SLC12A8: variants seen among roughly 807,000 people sequenced by gnomAD.
SLC12A8 encodes the protein solute carrier family 12 member 8, also known as cation-chloride cotransporter 9.
A neutral mutation model predicts 75.6 loss-of-function variants in SLC12A8; 69 were observed. The observed-to-expected ratio is 0.91, with a 90% CI of 0.75 to 1.11. The LOEUF is 1.11. Ranked by LOEUF, SLC12A8 falls within the 50% of genes most tolerant of loss-of-function variation. SLC12A8 has a pLI of 0.00. For missense variants in SLC12A8, 877 were observed against 896.7 expected (o/e 0.98, Z 0.28); for synonymous variants, 365 against 372.8 (o/e 0.98, Z 0.24).
At chr3:125,110,144 C>A (rs1939150059) in intron 9 of SLC12A8, 45 bp downstream of exon 9, 3 of 1,589,014 alleles carry the variant, frequency 1.9e-6, no homozygotes, top group East Asian at 4.5e-5. Flanking sequence ...AGGTTAGCAG[C>A]AAAACATGTT....
intron 5 of SLC12A8, among the ~76,000 whole-genome samples, chr3:125,167,077 C>T (rs755844215): frequency 2.6e-5 from 4 of 152,052 alleles, no homozygotes; most frequent in South Asian, 2.1e-4. Context: ...CCATTAAATT[C>T]GGGTGGTGGA....
chr3:125,126,700 A>T (rs1278191309), intron 6 of SLC12A8, among the ~76,000 whole-genome samples: 1 of 152,238 alleles, frequency 6.6e-6, no homozygotes, highest in Non-Finnish European at 1.5e-5. Context: ...CTCTTTCTCA[A>T]GGAACTTCCA....
intron 8 of SLC12A8, 84 bp downstream of exon 8, chr3:125,118,685 A>G: frequency 1.1e-6 from 1 of 916,856 alleles, no homozygotes. Flanking sequence ...ACAGTACTGC[A>G]AGGGGAAGGT....
intron 1 of SLC12A8, among the ~76,000 whole-genome samples, chr3:125,212,194 C>T (rs1217861000): frequency 6.6e-6 from 1 of 151,942 alleles, no homozygotes; most frequent in Admixed American, 6.5e-5. Flanking sequence ...AGGGAAGGCG[C>T]CCGGAGCACT....
At chr3:125,100,929 C>T (rs1256286862) in intron 10 of SLC12A8, among the ~76,000 whole-genome samples, 1 of 141,196 alleles carries the variant, frequency 7.1e-6, no homozygotes, top group African/African-American at 2.6e-5. Context: ...AGGAGAATGG[C>T]GTGAACCCGG....
chr3:125,179,805 A>T (rs1211936004), intron 4 of SLC12A8, among the ~76,000 whole-genome samples: 1 of 152,142 alleles, frequency 6.6e-6, no homozygotes, highest in Admixed American at 6.5e-5. Context: ...ACTAAACACC[A>T]AGAGTGTGAT....
chr3:125,182,208 T>C (rs1197219792), intron 4 of SLC12A8, among the ~76,000 whole-genome samples: 1 of 152,044 alleles, frequency 6.6e-6, no homozygotes, highest in Non-Finnish European at 1.5e-5. Flanking sequence ...ACGCCTGTAG[T>C]CTCACCTACT....
intron 2 of SLC12A8, among the ~76,000 whole-genome samples, chr3:125,204,353 A>G (rs1935185883): frequency 6.6e-6 from 1 of 152,226 alleles, no homozygotes; most frequent in East Asian, 1.9e-4. Flanking sequence ...AGATGAATGA[A>G]TAAAGAAAAT....
chr3:125,149,199 G>A (rs1000882461), intron 5 of SLC12A8, among the ~76,000 whole-genome samples: 1 of 152,218 alleles, frequency 6.6e-6, no homozygotes, highest in Non-Finnish European at 1.5e-5. Flanking sequence ...AGACTCGGGG[G>A]TCGAAGCTGG....
At chr3:125,153,911 C>A (rs1933990555) in intron 5 of SLC12A8, among the ~76,000 whole-genome samples, 2 of 152,172 alleles carry the variant, frequency 1.3e-5, no homozygotes, top group Admixed American at 1.3e-4. Flanking sequence ...CCACACCCAG[C>A]TAATTTTTGT....
chr3:125,088,440 T>C (rs185921232), intron 12 of SLC12A8, 70 bp from the exon 13 acceptor site: 423 of 1,371,192 alleles, frequency 3.1e-4, no homozygotes, highest in Non-Finnish European at 3.9e-4. Context: ...TCAGTTTTAA[T>C]AGGGTGAATG....
intron 2 of SLC12A8, among the ~76,000 whole-genome samples, chr3:125,208,747 T>TACACACACACAC (rs61130966): frequency 1.1e-5 from 1 of 87,432 alleles, no homozygotes; most frequent in African/African-American, 4.2e-5. Flanking sequence ...CTGACCAATC[T>TACACACACACAC]ACACACACAC....
At position 125,120,582 on chromosome 3, in the gene SLC12A8, C is replaced by A. The variant is rs1387990704; in HGVS notation, c.824+17G>T. On this transcript the variant is annotated intron_variant, in intron 7 of 13. Transcript: ENST00000469902. ...CCCACTCTCTAGCTCAGACTGATTG[C>A]CATGAGGGGAACTTACGAGATGCCA... 1 of 1,592,644 alleles carries A rather than the reference C, an allele frequency of 6.3e-7. No homozygotes were observed. Among genetic ancestry groups the A allele is most frequent in the Non-Finnish European group, 8.6e-7 (1 of 1,161,508 alleles).
chr3:125,123,118 T>C (rs935865973), intron 6 of SLC12A8, among the ~76,000 whole-genome samples: 3 of 151,956 alleles, frequency 2.0e-5, no homozygotes, highest in Non-Finnish European at 4.4e-5. Flanking sequence ...CTCACACCTT[T>C]AATCCCAGCA....
intron 5 of SLC12A8, among the ~76,000 whole-genome samples, chr3:125,176,014 T>C (rs1365038003): frequency 2.0e-5 from 3 of 152,074 alleles, no homozygotes; most frequent in Non-Finnish European, 4.4e-5. Flanking sequence ...TTTAACATGC[T>C]CAGAAGTAGT....
intron 4 of SLC12A8, among the ~76,000 whole-genome samples, chr3:125,184,305 T>G (rs1418096510): frequency 6.6e-6 from 1 of 152,224 alleles, no homozygotes; most frequent in Non-Finnish European, 1.5e-5. Context: ...TAAGTGTTAA[T>G]ATCTCCTCAG....
chr3:125,180,699 G>A (rs1009655619), intron 4 of SLC12A8, among the ~76,000 whole-genome samples: 4 of 152,036 alleles, frequency 2.6e-5, no homozygotes, highest in Non-Finnish European at 4.4e-5. Flanking sequence ...AATAGCTACC[G>A]TCATTATTAT....
chr3:125,200,839 A>G (rs530468595), intron 2 of SLC12A8, among the ~76,000 whole-genome samples: 2 of 152,308 alleles, frequency 1.3e-5, no homozygotes, highest in African/African-American at 2.4e-5. Flanking sequence ...GTTGAATTCT[A>G]TGAACACGGA....
Position 125,116,339 on chromosome 3 carries a change from T to A in SLC12A8, c.912+2430A>T, listed in dbSNP as rs139535679. On this transcript the variant is annotated intron_variant, in intron 8 of 13. Coordinates refer to ENST00000469902, the MANE Select transcript of SLC12A8 (RefSeq NM_024628.6). ...GTCTCTTCCAGGGAATGGTCTCTTGTCCTCTCCGAAAACTAAATCTCCACA... is the reference window on the plus strand; with the variant it reads ...GTCTCTTCCAGGGAATGGTCTCTTGACCTCTCCGAAAACTAAATCTCCACA... Among the ~76,000 whole-genome samples the A allele has an allele frequency of 4.9e-3, 749 of 152,326 alleles. 8 individuals carry two copies. Among genetic ancestry groups the A allele is most frequent in the Non-Finnish European group, 5.7e-3 (387 of 68,028 alleles).
Sources: gnomAD v4.1 joint callset for allele counts (sites outside exome capture counted in the v4.1 genomes callset) on GRCh38, gnomAD v4.1.1 for gene constraint, MANE v1.5 for transcripts, NCBI Gene and HGNC (gene_info 2026-07-23, HGNC 2026-07-21) for gene names.